Variants in SH3GL2 observed in about 807,000 individuals in gnomAD.
SH3GL2 encodes the protein endophilin-A1.
Under a neutral mutation model 46.0 loss-of-function variants are expected in SH3GL2, and 24 were observed. The observed-to-expected ratio is 0.52, with a 90% confidence interval of 0.38 to 0.73. The LOEUF (loss-of-function observed/expected upper bound fraction) is 0.73, where lower values mean the gene tolerates loss of function less well. Ranked by LOEUF, SH3GL2 falls within the 30% of genes least tolerant of loss-of-function variation. SH3GL2 has a pLI of 0.00. For synonymous variants in SH3GL2, 196 were observed against 147.1 expected (o/e 1.33, Z -2.40); for missense variants, 413 against 424.2 (o/e 0.97, Z 0.23).
intron 2 of SH3GL2, among the ~76,000 whole-genome samples, chr9:17,749,729 G>GATTT (rs1436524959): frequency 1.3e-5 from 2 of 152,180 alleles, no homozygotes; most frequent in Non-Finnish European, 2.9e-5. Context: ...GACCTTTGGA[G>GATTT]ATTTATTTTG....
intron 1 of SH3GL2, among the ~76,000 whole-genome samples, chr9:17,663,866 T>C (rs538305659): frequency 6.6e-6 from 1 of 152,348 alleles, no homozygotes; most frequent in South Asian, 2.1e-4. Context: ...TGGAATAACA[T>C]GAATTAAAGA....
At chr9:17,689,410 A>G (rs1821012724) in intron 1 of SH3GL2, among the ~76,000 whole-genome samples, 1 of 152,130 alleles carries the variant, frequency 6.6e-6, no homozygotes, top group Non-Finnish European at 1.5e-5. Flanking sequence ...TTAGTTCATA[A>G]TAATATATCA....
intron 1 of SH3GL2, among the ~76,000 whole-genome samples, chr9:17,647,419 CTCTCTCTCTG>C (rs1448502327): frequency 2.1e-5 from 3 of 143,886 alleles, no homozygotes; most frequent in Non-Finnish European, 3.1e-5. Context: ...GTTTCTCTCT[CTCTCTCTCTG>C]TCTCTCTCTC....
At chr9:17,698,684 C>G (rs973265120) in intron 1 of SH3GL2, among the ~76,000 whole-genome samples, 2 of 152,122 alleles carry the variant, frequency 1.3e-5, no homozygotes, top group Non-Finnish European at 2.9e-5. Flanking sequence ...TTAATAAATT[C>G]TCTGACTTTG....
intron 1 of SH3GL2, among the ~76,000 whole-genome samples, chr9:17,636,075 A>G (rs147808222): frequency 1.8e-3 from 272 of 152,290 alleles, no homozygotes; most frequent in African/African-American, 6.3e-3. Context: ...ATGCTTTTTA[A>G]TATAACTGGA....
chr9:17,602,003 G>T (rs1535346), intron 1 of SH3GL2, among the ~76,000 whole-genome samples: 88,299 of 152,016 alleles, frequency 0.58, 28,785 homozygotes, highest in Non-Finnish European at 0.72. Flanking sequence ...TAAGGGCATT[G>T]CAGAAAGCCT....
intron 1 of SH3GL2, among the ~76,000 whole-genome samples, chr9:17,664,558 A>G (rs1000844656): frequency 6.6e-6 from 1 of 152,238 alleles, no homozygotes; most frequent in East Asian, 1.9e-4. Context: ...TAAGTGCATT[A>G]CATATTAAGA....
chr9:17,626,422 A>G (rs1819282601), intron 1 of SH3GL2, among the ~76,000 whole-genome samples: 1 of 152,224 alleles, frequency 6.6e-6, no homozygotes, highest in African/African-American at 2.4e-5. Flanking sequence ...GGCTTCATTA[A>G]GGTCCTAGTT....
rs1824257994 is a variant in SH3GL2, at chr9:17,795,754, T to A, written c.*11T>A. On this transcript the variant is annotated 3_prime_UTR_variant, in exon 9 of 9. Transcript: ENST00000380607. The stretch of plus-strand genomic sequence containing the variant: ...GCCCTGCCCCATTAGGATGTTATGC[T>A]GGCTGGCTCGCCTCCTCTTGACCCA... The A allele has an allele frequency of 6.2e-7, 1 of 1,608,924 alleles. No homozygotes were observed. The highest frequency in any genetic ancestry group is 1.7e-5 in the Admixed American group (1 of 59,886).
At chr9:17,676,435 G>C (rs1417451163) in intron 1 of SH3GL2, among the ~76,000 whole-genome samples, 1 of 152,060 alleles carries the variant, frequency 6.6e-6, no homozygotes, top group African/African-American at 2.4e-5. Flanking sequence ...GTGAAACCCT[G>C]TCTCTACTGA....
intron 1 of SH3GL2, chr9:17,589,500 C>G (rs1563773298): frequency 2.0e-5 from 3 of 151,936 alleles, no homozygotes. Flanking sequence ...AGTACCTTAG[C>G]CTGGTGGGCT....
chr9:17,698,420 G>C (rs960920177), intron 1 of SH3GL2, among the ~76,000 whole-genome samples: 1 of 152,224 alleles, frequency 6.6e-6, no homozygotes, highest in African/African-American at 2.4e-5. Flanking sequence ...TGGATATCTC[G>C]GTATCTGGCA....
chr9:17,766,075 A>G (rs1168583990), intron 3 of SH3GL2, among the ~76,000 whole-genome samples: 1 of 152,226 alleles, frequency 6.6e-6, no homozygotes, highest in African/African-American at 2.4e-5. Context: ...TGGGGCAGAA[A>G]TGAGACCAAG....
At chr9:17,680,239 G>A (rs1820732602) in intron 1 of SH3GL2, among the ~76,000 whole-genome samples, 1 of 152,098 alleles carries the variant, frequency 6.6e-6, no homozygotes, top group Non-Finnish European at 1.5e-5. Context: ...GTAGAATTCG[G>A]CTGTGAATCT....
rs1230526159 is a variant in SH3GL2, at chr9:17,719,163, C to G, written c.46-27903C>G. On this transcript the variant is annotated intron_variant, in intron 1 of 8. Transcript: ENST00000380607. ...ATCTTCAGGAGGGTTGTTGTGAAAA[C>G]CAATTGAATGTCAAGTGCCTTGCAG... Among the ~76,000 whole-genome samples, 6 of 152,036 alleles carry G rather than the reference C, an allele frequency of 3.9e-5. No homozygotes were observed. In the East Asian group the frequency reaches 1.2e-3, roughly 29 times the overall value.
chr9:17,756,863 A>G (rs1322194989), intron 2 of SH3GL2, among the ~76,000 whole-genome samples: 1 of 152,140 alleles, frequency 6.6e-6, no homozygotes, highest in East Asian at 1.9e-4. Flanking sequence ...GCTGGGTCAA[A>G]TGGTATTTCT....
At chr9:17,646,183 A>T (rs993040497) in intron 1 of SH3GL2, among the ~76,000 whole-genome samples, 1 of 151,546 alleles carries the variant, frequency 6.6e-6, no homozygotes, top group African/African-American at 2.4e-5. Context: ...ATGCTTGTGT[A>T]TGCTTCACCA....
At chr9:17,688,738 C>T (rs1820992626) in intron 1 of SH3GL2, among the ~76,000 whole-genome samples, 1 of 151,974 alleles carries the variant, frequency 6.6e-6, no homozygotes, top group Non-Finnish European at 1.5e-5. Context: ...TGGCCAAAGA[C>T]AGAAAAATTT....
rs114549756 is a variant in SH3GL2, at chr9:17,616,044, G to A, written c.45+36757G>A. ...GGCAGCCTGCATTCAGCTTTCTTCA[G>A]GTTACCTTTATTAATGATGCCCTTG... On this transcript the variant is annotated intron_variant, in intron 1 of 8. Coordinates refer to ENST00000380607, the MANE Select transcript of SH3GL2 (RefSeq NM_003026.5). Among the ~76,000 whole-genome samples the A allele has an allele frequency of 7.5e-3, 1,139 of 152,148 alleles. 8 individuals are homozygous for A. Among genetic ancestry groups the A allele is most frequent in the African/African-American group, 0.026 (1,089 of 41,488 alleles).
Sources: allele counts gnomAD v4.1 joint callset (sites outside exome capture counted in the v4.1 genomes callset), GRCh38; gene constraint gnomAD v4.1.1; transcripts MANE v1.5; gene names NCBI Gene and HGNC (gene_info 2026-07-23, HGNC 2026-07-21).